SPATA13: variants seen among roughly 807,000 people sequenced by gnomAD.
SPATA13 encodes spermatogenesis-associated protein 13.
SPATA13 carries 50 observed loss-of-function variants against 104.0 expected under a neutral mutation model. That is an observed-to-expected ratio of 0.48 (90% CI 0.38 to 0.61). The LOEUF (loss-of-function observed/expected upper bound fraction) is 0.61, where lower values mean the gene tolerates loss of function less well. Ranked by LOEUF, SPATA13 falls within the 20% of genes least tolerant of loss-of-function variation. SPATA13 has a pLI of 0.00. For synonymous variants in SPATA13, 606 were observed against 667.5 expected, an observed-to-expected ratio of 0.91 and a Z score of 1.42; for missense variants, 1,524 against 1,690.6, an observed-to-expected ratio of 0.90 and a Z score of 1.73.
At chr13:24,209,332 A>G (rs939049485) in intron 1 of SPATA13, among the ~76,000 whole-genome samples, 1 of 152,208 alleles carries the variant, frequency 6.6e-6, no homozygotes, top group Non-Finnish European at 1.5e-5. Flanking sequence ...TAATTTTAAA[A>G]GGTCAGCGTT....
Position 24,294,787 on chromosome 13 carries a change from C to T in SPATA13, c.3129C>T (p.Ala1043=). The change falls in exon 10 of 13, where the codon GCC becomes GCT. Residue 1043 remains alanine, a synonymous_variant. Coordinates refer to ENST00000382108, the MANE Select transcript of SPATA13 (RefSeq NM_001166271.3). ...CATATGAGGCCATGAAGAATGTGGC[C>T]TGTCTGATCAACGAGCGCAAGCGCA... The part of the protein sequence containing the change: ...KAAYEAMKNV[A]CLINERKRKL... 6.2e-7 allele frequency: 1 copy of T among 1,610,756 alleles called. No homozygotes were observed. The highest frequency in any genetic ancestry group is 8.5e-7 in the Non-Finnish European group (1 of 1,177,106).
chr13:24,290,303 C>T (rs1381850127), intron 8 of SPATA13, among the ~76,000 whole-genome samples: 2 of 152,106 alleles, frequency 1.3e-5, no homozygotes, highest in East Asian at 1.9e-4. Context: ...TGGTTTTCAG[C>T]GAGTTGAAAA....
chr13:24,150,776 A>G (rs1882077533), intron 3 of SPATA13, among the ~76,000 whole-genome samples: 2 of 152,074 alleles, frequency 1.3e-5, no homozygotes, highest in African/African-American at 4.8e-5. Flanking sequence ...CTTCTCTCCT[A>G]TGACTGTCCC....
intron 3 of SPATA13, among the ~76,000 whole-genome samples, chr13:24,130,411 G>T (rs1881356756): frequency 6.6e-6 from 1 of 152,234 alleles, no homozygotes; most frequent in African/African-American, 2.4e-5. Context: ...CAGCCGATTA[G>T]AGAGAAGGCA....
Position 24,011,358 on chromosome 13 carries a change from G to C in SPATA13, c.-146-6309G>C, listed in dbSNP as rs1464693958. 6.6e-6 allele frequency among the ~76,000 whole-genome samples: 1 copy of C among 152,164 alleles called. No homozygotes were observed. Among genetic ancestry groups the C allele is most frequent in the African/African-American group, 2.4e-5 (1 of 41,430 alleles). On this transcript the variant is annotated intron_variant, in intron 2 of 14. Transcript: ENST00000424834. The surrounding 1 kb of genome is among the most constrained non-coding windows in gnomAD (Gnocchi z 4.3). Reference sequence around the variant, plus strand: ...CATGCTGTCTCACGTTCCGCAGCTGGTCTGGGCCCAAGTGCTGAGGACTCA... The same window carrying C: ...CATGCTGTCTCACGTTCCGCAGCTGCTCTGGGCCCAAGTGCTGAGGACTCA...
chr13:24,015,429 A>C (rs1187778383), intron 2 of SPATA13, among the ~76,000 whole-genome samples: 1 of 152,242 alleles, frequency 6.6e-6, no homozygotes, highest in East Asian at 1.9e-4. Context: ...TTCAAAGTAC[A>C]TGTGAGGAAA....
intron 1 of SPATA13, among the ~76,000 whole-genome samples, chr13:24,218,687 T>G (rs1871393791): frequency 6.6e-6 from 1 of 151,886 alleles, no homozygotes; most frequent in South Asian, 2.1e-4. Flanking sequence ...ATTCGTAAAC[T>G]TTGGTAAAAC....
chr13:24,136,918 C>T (rs1371335773), intron 3 of SPATA13, among the ~76,000 whole-genome samples: 1 of 43,134 alleles, frequency 2.3e-5, no homozygotes, highest in Non-Finnish European at 5.2e-5. Flanking sequence ...CAAGCTCCGC[C>T]TCCCAGGTTC....
chr13:24,023,421 A>G (rs1001239112), intron 3 of SPATA13, among the ~76,000 whole-genome samples: 1 of 152,158 alleles, frequency 6.6e-6, no homozygotes, highest in African/African-American at 2.4e-5. Context: ...TCTAATTTCA[A>G]TAGAAAAGTA....
At chr13:24,003,153 G>A (rs757776425) in intron 2 of SPATA13, among the ~76,000 whole-genome samples, 6 of 152,000 alleles carry the variant, frequency 3.9e-5, no homozygotes, top group Non-Finnish European at 7.4e-5. Context: ...TTTTCCCCAC[G>A]CTGGTCTATA....
At chr13:24,114,651 T>C (rs1290032729) in intron 3 of SPATA13, among the ~76,000 whole-genome samples, 4 of 151,830 alleles carry the variant, frequency 2.6e-5, no homozygotes, top group Admixed American at 1.3e-4. Context: ...TTTTTTGTTG[T>C]TGTTTTTTGT....
At chr13:24,114,358 T>TGTGTGCCTGCATGTGTGCACATGCGC (rs142488789) in intron 3 of SPATA13, among the ~76,000 whole-genome samples, 52,435 of 148,568 alleles carry the variant, frequency 0.35, 9,938 homozygotes, top group Admixed American at 0.45. Flanking sequence ...AGTGTGCACG[T>TGTGTGCCTGCATGTGTGCACATGCGC]GTGTGCCTGC....
rs1326422246 is a variant in SPATA13 at position 24,088,987 on chromosome 13, A to G, written c.-112+71286A>G. Among the ~76,000 whole-genome samples, 1 of 152,208 alleles carries G rather than the reference A, an allele frequency of 6.6e-6. No individual in the cohort carries two copies. The highest frequency in any genetic ancestry group is 1.9e-4 in the East Asian group (1 of 5,190). On this transcript the variant is annotated intron_variant, in intron 3 of 14. Transcript: ENST00000424834. This position sits in a 1 kb window ranked among gnomAD's most constrained non-coding sequence, Gnocchi z 4.3. Reference sequence around the variant, plus strand: ...TCATCGACAGCTCTGGGTTTATGACAAAAGAAACCTGCACAAATGCTGATG... The same window carrying G: ...TCATCGACAGCTCTGGGTTTATGACGAAAGAAACCTGCACAAATGCTGATG...
chr13:24,254,317 A>T (rs1245394871), intron 4 of SPATA13: 1 of 152,166 alleles, frequency 6.6e-6, no homozygotes, highest in Non-Finnish European at 1.5e-5. Context: ...TAATCCTAAG[A>T]AGCCGCTTCT....
At chr13:24,185,636 G>A (rs993898574) in intron 1 of SPATA13, among the ~76,000 whole-genome samples, 1 of 151,966 alleles carries the variant, frequency 6.6e-6, no homozygotes, top group African/African-American at 2.4e-5. Context: ...AACGTAATAG[G>A]CATCGTGTTT....
chr13:24,241,823 G>A (rs886813141), intron 2 of SPATA13, among the ~76,000 whole-genome samples: 3 of 152,170 alleles, frequency 2.0e-5, no homozygotes, highest in African/African-American at 4.8e-5. Context: ...AGGCCGAGGC[G>A]GGAGGACTGC....
intron 4 of SPATA13, among the ~76,000 whole-genome samples, chr13:24,258,242 A>T (rs560574164): frequency 1.2e-4 from 18 of 151,894 alleles, no homozygotes; most frequent in Non-Finnish European, 2.1e-4. Context: ...TCTCAAAAAA[A>T]AAAAAATAAA....
intron 3 of SPATA13, among the ~76,000 whole-genome samples, chr13:24,120,017 C>A (rs551258972): frequency 4.6e-5 from 7 of 152,252 alleles, no homozygotes; most frequent in African/African-American, 1.7e-4. Flanking sequence ...CACAGAGTGA[C>A]AAGAAACAAT....
chr13:24,020,416 A>C (rs1024640576), intron 3 of SPATA13, among the ~76,000 whole-genome samples: 2 of 152,192 alleles, frequency 1.3e-5, no homozygotes, highest in Non-Finnish European at 2.9e-5. Flanking sequence ...TTAATGCTTA[A>C]GTAGAATATA....
Sources: allele counts gnomAD v4.1 joint callset (sites outside exome capture counted in the v4.1 genomes callset), GRCh38; gene constraint gnomAD v4.1.1; non-coding constraint Gnocchi (gnomAD v3.1); transcripts MANE v1.5; gene names NCBI Gene and HGNC (gene_info 2026-07-23, HGNC 2026-07-21).